The following FGF9 variants were observed in gnomAD, a reference collection of about 807,000 sequenced individuals.
The protein encoded by FGF9 is fibroblast growth factor 9.
FGF9 carries 3 observed loss-of-function variants against 19.9 expected under a neutral mutation model. The observed-to-expected ratio is 0.15, with a 90% confidence interval of 0.07 to 0.39. FGF9 has a LOEUF of 0.39. FGF9 is among the 10% of genes least tolerant of loss of function. The pLI, the probability that FGF9 is intolerant of heterozygous loss-of-function variation, is 1.00. For synonymous variants in FGF9, 107 were observed against 106.9 expected, an observed-to-expected ratio of 1.00 and a Z score of -0.01; for missense variants, 175 against 256.8, an observed-to-expected ratio of 0.68 and a Z score of 2.18.
chr13:21,687,489 A>T (rs1872188511), intron 2 of FGF9, among the ~76,000 whole-genome samples: 2 of 152,248 alleles, frequency 1.3e-5, no homozygotes, highest in African/African-American at 2.4e-5. Context: ...CAAGATCAGT[A>T]AAATGCACAC....
Position 21,691,958 on chromosome 13 carries a change from A to G in FGF9, c.382-9232A>G, listed in dbSNP as rs143135804. ...GTCTCTAAATGCTTACGATCCTGAC[A>G]TTAATTGATTCCCTTTTAATCTTTT... On this transcript the variant is annotated intron_variant, in intron 2 of 2. Transcript: ENST00000382353. This position sits in a 1 kb window ranked among gnomAD's most constrained non-coding sequence, Gnocchi z 4.2. 3.2e-3 allele frequency among the ~76,000 whole-genome samples: 480 copies of G among 149,380 alleles called. 3 individuals are homozygous for G. The highest frequency in any genetic ancestry group is 0.011 in the African/African-American group (449 of 40,132).
chr13:21,701,348 G>T lies in FGF9; in HGVS notation c.540G>T (p.Arg180=). 3.7e-6 allele frequency: 6 copies of T among 1,613,806 alleles called. No individual in the cohort carries two copies. Among genetic ancestry groups the T allele is most frequent in the Non-Finnish European group, 5.1e-6 (6 of 1,179,966 alleles). ...CGAGAGAAGGGACTAGGACTAAACG[G>T]CACCAGAAATTCACACATTTTTTAC... ...GTPREGTRTK[R]HQKFTHFLPR... Residue 180 remains arginine (R), a synonymous_variant, in exon 3 of 3, where the codon CGG becomes CGT. Transcript: ENST00000382353.
intron 2 of FGF9, among the ~76,000 whole-genome samples, chr13:21,697,981 T>C (rs1169758768): frequency 6.6e-6 from 1 of 152,148 alleles, no homozygotes; most frequent in Admixed American, 6.5e-5. Flanking sequence ...CTAATATTTT[T>C]GTATTTTTAG....
intron 2 of FGF9, among the ~76,000 whole-genome samples, chr13:21,686,360 G>C (rs1400259767): frequency 6.6e-6 from 1 of 152,164 alleles, no homozygotes; most frequent in Non-Finnish European, 1.5e-5. Flanking sequence ...AAGAATAATT[G>C]ACCATAATAA....
At position 21,701,694 on chromosome 13, in the gene FGF9, G is replaced by T. The variant is rs535790410; in HGVS notation, c.*259G>T. 2.2e-5 allele frequency: 11 copies of T among 489,096 alleles called. No homozygotes were observed. The Admixed American group carries it at 2.9e-4, about 13-fold the overall frequency. 30.3% of individuals were successfully genotyped at this position (489,096 alleles called of 1,614,324 possible). On this transcript the variant is annotated 3_prime_UTR_variant, in exon 3 of 3. Coordinates refer to ENST00000382353, the MANE Select transcript of FGF9 (RefSeq NM_002010.3). ...AAGAGGAGAGAGAGAGAGACTGAGCGCTAGGAGTGTGTGTATGTGTGTGTG... is the reference window on the plus strand; with the variant it reads ...AAGAGGAGAGAGAGAGAGACTGAGCTCTAGGAGTGTGTGTATGTGTGTGTG...
At chr13:21,696,412 CAA>C (rs1872411234) in intron 2 of FGF9, among the ~76,000 whole-genome samples, 1 of 151,888 alleles carries the variant, frequency 6.6e-6, no homozygotes, top group Non-Finnish European at 1.5e-5. Context: ...TGATATAATC[CAA>C]CAGTTCAAAG....
chr13:21,698,134 T>C (rs1026734374), intron 2 of FGF9, among the ~76,000 whole-genome samples: 1 of 152,146 alleles, frequency 6.6e-6, no homozygotes, highest in African/African-American at 2.4e-5. Context: ...TTTACTATGC[T>C]TAGTGAAAAG....
At position 21,702,108 on chromosome 13, in the gene FGF9, CAT is replaced by C. The variant is rs1207001782; in HGVS notation, c.*674_*675del. 1.3e-5 allele frequency: 2 copies of C among 151,582 alleles called. No individual in the cohort carries two copies. The highest frequency in any genetic ancestry group is 4.8e-5 in the African/African-American group (2 of 41,242). The allele number at this position is 151,582 out of a possible 1,614,324, so 9.4% of individuals were successfully genotyped here. A position where few individuals can be genotyped will look rare whatever the true frequency, so the allele number is the denominator to read the frequency against. Reference sequence around the variant, plus strand: ...TATATAGAGTTTATTTTTAATGAAACATGTACAGGCCAGATAGGCATTTTGGA... The same window carrying C: ...TATATAGAGTTTATTTTTAATGAAACGTACAGGCCAGATAGGCATTTTGGA... On this transcript the variant is annotated 3_prime_UTR_variant, in exon 3 of 3. Coordinates refer to ENST00000382353, the MANE Select transcript of FGF9 (RefSeq NM_002010.3).
chr13:21,682,698 T>G (rs1244325789), intron 2 of FGF9, among the ~76,000 whole-genome samples: 3 of 151,234 alleles, frequency 2.0e-5, no homozygotes, highest in East Asian at 3.9e-4. Context: ...ACTTCAGTTT[T>G]TTTTTTTTTT....
chr13:21,704,169 CA>C lies in FGF9; in HGVS notation c.*2735del, dbSNP rs1872603282. On this transcript the variant is annotated 3_prime_UTR_variant, in exon 3 of 3. Transcript: ENST00000382353. Reference sequence around the variant, plus strand: ...GGAATGGGGGTTCTGGTTTCACAAACAGATGCTTAGATAGCCAAACCACTGT... The same window carrying C: ...GGAATGGGGGTTCTGGTTTCACAAACGATGCTTAGATAGCCAAACCACTGT... 1 of 152,156 alleles carries C rather than the reference CA, an allele frequency of 6.6e-6. No individual in the cohort carries two copies. Among genetic ancestry groups the C allele is most frequent in the Non-Finnish European group, 1.5e-5 (1 of 68,056 alleles). 9.4% of individuals were successfully genotyped at this position (152,156 alleles called of 1,614,324 possible).
intron 1 of FGF9, among the ~76,000 whole-genome samples, chr13:21,674,796 G>C (rs1316441084): frequency 6.6e-6 from 1 of 151,644 alleles, no homozygotes; most frequent in Non-Finnish European, 1.5e-5. Context: ...TGCCACTGGA[G>C]AGAGCGCGGA....
chr13:21,673,017 G>A (rs1454348219), intron 1 of FGF9, among the ~76,000 whole-genome samples: 2 of 152,216 alleles, frequency 1.3e-5, no homozygotes, highest in Non-Finnish European at 2.9e-5. Context: ...AGCACTGAGG[G>A]CTGCAGACTC....
chr13:21,688,243 G>A (rs1186122973), intron 2 of FGF9, among the ~76,000 whole-genome samples: 2 of 152,228 alleles, frequency 1.3e-5, no homozygotes, highest in Non-Finnish European at 2.9e-5. Context: ...GCTTTGATGG[G>A]AGACGTTCAG....
intron 1 of FGF9, among the ~76,000 whole-genome samples, chr13:21,678,713 C>G (rs1871971191): frequency 6.6e-6 from 1 of 152,152 alleles, no homozygotes; most frequent in Non-Finnish European, 1.5e-5. Context: ...ATCACATGCT[C>G]CCTTAGAAGC....
At chr13:21,675,006 G>A (rs1871875191) in intron 1 of FGF9, among the ~76,000 whole-genome samples, 1 of 148,394 alleles carries the variant, frequency 6.7e-6, no homozygotes, top group African/African-American at 2.5e-5. Flanking sequence ...ACAGTGTTGC[G>A]GGGGATGTGG....
At chr13:21,697,534 T>C (rs1209993988) in intron 2 of FGF9, among the ~76,000 whole-genome samples, 1 of 152,162 alleles carries the variant, frequency 6.6e-6, no homozygotes, top group African/African-American at 2.4e-5. Context: ...GCTAGGGAAA[T>C]AGGGCAGTGT....
Position 21,701,334 on chromosome 13 carries a change from A to G in FGF9, c.526A>G (p.Thr176Ala). The change falls in exon 3 of 3, where the codon ACT becomes GCT. Residue 176 changes from threonine to alanine, a missense_variant. By Grantham distance (58) the Thr-to-Ala change is moderately conservative. Coordinates refer to ENST00000382353, the MANE Select transcript of FGF9 (RefSeq NM_002010.3). ...LNKDGTPREGTRTKRHQKFTH... is the reference protein window; with the variant it reads ...LNKDGTPREGARTKRHQKFTH... ...TAAAGATGGGACCCCGAGAGAAGGGACTAGGACTAAACGGCACCAGAAATT... is the reference window on the plus strand; with the variant it reads ...TAAAGATGGGACCCCGAGAGAAGGGGCTAGGACTAAACGGCACCAGAAATT... 1.2e-6 allele frequency: 2 copies of G among 1,614,024 alleles called. No individual in the cohort carries two copies. The highest frequency in any genetic ancestry group is 1.7e-6 in the Non-Finnish European group (2 of 1,179,986).
Position 21,672,001 on chromosome 13 carries a change from C to G in FGF9, c.89C>G (p.Pro30Arg). 3 of 1,614,154 alleles carry G rather than the reference C, an allele frequency of 1.9e-6. No individual in the cohort carries two copies. Among genetic ancestry groups the G allele is most frequent in the South Asian group, 1.1e-5 (1 of 91,084 alleles). ...GTGCCCGTGTTGCCGGTGGACAGCC[C>G]GGTTTTGTTAAGTGACCACCTGGGT... is the stretch of plus-strand genomic sequence containing the variant. ...GNVPVLPVDS[P>R]VLLSDHLGQS... The change falls in exon 1 of 3, where the codon CCG becomes CGG. Residue 30 changes from proline to arginine, a missense_variant. Physicochemically the swap from Pro to Arg is moderately radical, Grantham distance 103 (BLOSUM62 -2). Around this residue, in one of 3 missense-constraint regions of FGF9, gnomAD observed 69 missense variants for 73.6 expected, o/e 0.94. Transcript: ENST00000382353. This position sits in a 1 kb window ranked among gnomAD's most constrained non-coding sequence, Gnocchi z 4.2.
In FGF9 at chr13:21,680,960, T is replaced by C; in HGVS notation, c.278-82T>C. On this transcript the variant is annotated intron_variant, in intron 1 of 2. Coordinates refer to ENST00000382353, the MANE Select transcript of FGF9 (RefSeq NM_002010.3). The stretch of plus-strand genomic sequence containing the variant: ...GTGGGGAGCTGGGCTTAGTGTCCTC[T>C]CCAAAACCCCAGGGATGCTGGGACT... The C allele has an allele frequency of 2.8e-6, 3 of 1,068,052 alleles. No individual in the cohort carries two copies. In the South Asian group the frequency reaches 3.9e-5, roughly 14 times the overall value. 66.2% of individuals were successfully genotyped at this position (1,068,052 alleles called of 1,614,324 possible).
Sources: gnomAD v4.1 joint callset for allele counts (sites outside exome capture counted in the v4.1 genomes callset) on GRCh38, gnomAD v4.1.1 for gene constraint, gnomAD v4.1.1 regional missense constraint, Gnocchi (gnomAD v3.1) non-coding constraint, MANE v1.5 for transcripts, NCBI Gene and HGNC (gene_info 2026-07-23, HGNC 2026-07-21) for gene names.